The following RBFOX1 variants were observed in gnomAD, a reference collection of about 807,000 sequenced individuals.
RBFOX1 encodes RNA binding protein fox-1 homolog 1.
In RBFOX1, 8 loss-of-function variants were observed where a neutral mutation model predicts 57.7. That is an observed-to-expected ratio of 0.14 (90% CI 0.08 to 0.25). The LOEUF (loss-of-function observed/expected upper bound fraction) is 0.25. RBFOX1 is among the 10% of genes least tolerant of loss of function. The probability of loss-of-function intolerance (pLI) is 1.00; values close to 1 mark genes in which losing one functional copy is unlikely to be tolerated. For missense variants in RBFOX1, 611 were observed against 548.5 expected, an observed-to-expected ratio of 1.11 and a Z score of -1.14; for synonymous variants, 326 against 222.4, an observed-to-expected ratio of 1.47 and a Z score of -4.15.
At chr16:6,820,615 C>T (rs1488943663) in intron 3 of RBFOX1, among the ~76,000 whole-genome samples, 1 of 151,992 alleles carries the variant, frequency 6.6e-6, no homozygotes, top group Non-Finnish European at 1.5e-5. Flanking sequence ...GCCATGATCA[C>T]ACTACTACAG....
chr16:7,631,336 A>G (rs1037296840), intron 11 of RBFOX1, among the ~76,000 whole-genome samples: 2 of 152,228 alleles, frequency 1.3e-5, no homozygotes, highest in African/African-American at 4.8e-5. Context: ...AAATAAATAC[A>G]GGAAGTAGAT....
intron 4 of RBFOX1, among the ~76,000 whole-genome samples, chr16:5,945,331 G>T (rs142150869): frequency 6.6e-6 from 1 of 152,204 alleles, no homozygotes; most frequent in African/African-American, 2.4e-5. Context: ...GGAACAAGGG[G>T]TGAGTTACAA....
intron 4 of RBFOX1, among the ~76,000 whole-genome samples, chr16:7,163,736 A>C (rs1005888332): frequency 1.3e-5 from 2 of 152,072 alleles, no homozygotes; most frequent in African/African-American, 2.4e-5. Context: ...ATCTCACTGC[A>C]ACCTCTGCCT....
At chr16:7,541,823 T>C (rs949959085) in intron 5 of RBFOX1, among the ~76,000 whole-genome samples, 1 of 152,160 alleles carries the variant, frequency 6.6e-6, no homozygotes, top group Non-Finnish European at 1.5e-5. Flanking sequence ...ATGGGTGTCA[T>C]GAGGATGAAG....
chr16:7,069,716 A>G (rs571650501), intron 4 of RBFOX1, among the ~76,000 whole-genome samples: 77 of 152,248 alleles, frequency 5.1e-4, no homozygotes, highest in African/African-American at 1.7e-3. Flanking sequence ...GTGGGGCAGC[A>G]TCGAGGTGTG....
chr16:6,274,707 C>T (rs1208579451), intron 1 of RBFOX1, among the ~76,000 whole-genome samples: 1 of 152,150 alleles, frequency 6.6e-6, no homozygotes, highest in Non-Finnish European at 1.5e-5. Context: ...TACACAGGAT[C>T]TCTGTAACAT....
intron 2 of RBFOX1, among the ~76,000 whole-genome samples, chr16:6,549,662 T>A (rs763693514): frequency 1.3e-5 from 2 of 152,028 alleles, no homozygotes; most frequent in Non-Finnish European, 2.9e-5. Context: ...TGCCTACTTC[T>A]GAGCAAATCC....
chr16:5,268,287 T>C lies in RBFOX1; in HGVS notation c.219+28182T>C, dbSNP rs1408171731. Among the ~76,000 whole-genome samples the C allele has an allele frequency of 2.0e-5, 3 of 152,200 alleles. No individual in the cohort carries two copies. The East Asian group carries it at 5.8e-4, about 29-fold the overall frequency. On this transcript the variant is annotated intron_variant, in intron 1 of 2. Coordinates refer to the RBFOX1 transcript ENST00000585867. Reference sequence around the variant, plus strand: ...CAATTTGTGTTAATTCTGCAAAATTTGCCGTATAACTGTGCCTGGATTCTT... The same window carrying C: ...CAATTTGTGTTAATTCTGCAAAATTCGCCGTATAACTGTGCCTGGATTCTT...
intron 3 of RBFOX1, among the ~76,000 whole-genome samples, chr16:6,734,441 T>C (rs982818240): frequency 2.6e-5 from 4 of 152,226 alleles, no homozygotes; most frequent in African/African-American, 9.6e-5. Context: ...ATTATCTCAT[T>C]TAATCCTCAT....
At chr16:7,400,559 C>T (rs1187503507) in intron 4 of RBFOX1, among the ~76,000 whole-genome samples, 1 of 152,150 alleles carries the variant, frequency 6.6e-6, no homozygotes, top group East Asian at 1.9e-4. Context: ...TCTTCAAGAA[C>T]ACAGTTTGTA....
intron 2 of RBFOX1, among the ~76,000 whole-genome samples, chr16:6,366,752 A>G (rs10445040): frequency 0.51 from 77,846 of 152,058 alleles, 20,628 homozygotes; most frequent in Middle Eastern, 0.64. Context: ...GTAAGCTGAA[A>G]TGACATGCTC....
chr16:6,810,976 C>T (rs1015012606), intron 3 of RBFOX1, among the ~76,000 whole-genome samples: 2 of 152,154 alleles, frequency 1.3e-5, no homozygotes, highest in African/African-American at 4.8e-5. Flanking sequence ...TCACTAAATG[C>T]TATTCCAGAA....
chr16:6,956,075 T>G (rs565695671), intron 3 of RBFOX1, among the ~76,000 whole-genome samples: 4 of 152,160 alleles, frequency 2.6e-5, no homozygotes, highest in Non-Finnish European at 1.5e-5. Flanking sequence ...TTTAGTGAGT[T>G]ACCTTCCCTT....
At chr16:7,657,366 ACG>A (rs1205788277) in intron 12 of RBFOX1, among the ~76,000 whole-genome samples, 1 of 152,164 alleles carries the variant, frequency 6.6e-6, no homozygotes, top group Non-Finnish European at 1.5e-5. Context: ...GTGCAATGGC[ACG>A]ATCTCGACTC....
intron 2 of RBFOX1, among the ~76,000 whole-genome samples, chr16:6,476,809 G>T (rs201295893): frequency 2.6e-5 from 4 of 152,132 alleles, no homozygotes; most frequent in African/African-American, 7.2e-5. Flanking sequence ...TTTACCTAAC[G>T]TAGAACTTCT....
At chr16:7,488,341 A>G (rs924945933) in intron 4 of RBFOX1, among the ~76,000 whole-genome samples, 17 of 152,262 alleles carry the variant, frequency 1.1e-4, no homozygotes, top group Admixed American at 9.8e-4. Flanking sequence ...TTATAGCTAG[A>G]TAGTTGGATA....
Position 7,501,706 on chromosome 16 carries a change from A to G in RBFOX1, c.28-16441A>G, listed in dbSNP as rs146059358. ...TCTACATATTGTTTTGTCAGTCTGTATCCTACCACCTGGCTGCTTCCTGCT... is the reference window on the plus strand; with the variant it reads ...TCTACATATTGTTTTGTCAGTCTGTGTCCTACCACCTGGCTGCTTCCTGCT... On this transcript the variant is annotated intron_variant, in intron 4 of 15. Transcript: ENST00000550418. Among the ~76,000 whole-genome samples the G allele has an allele frequency of 1.9e-3, 294 of 152,324 alleles. 4 individuals are homozygous for G. Among genetic ancestry groups the G allele is most frequent in the African/African-American group, 6.4e-3 (265 of 41,562 alleles).
In RBFOX1 at chr16:7,006,246, C is replaced by T. The variant is rs115187847; in HGVS notation, c.-15-45811C>T. On this transcript the variant is annotated intron_variant, in intron 3 of 15. Transcript: ENST00000550418. Reference sequence around the variant, plus strand: ...CTCGGTTCACTGCATCCTCTGCCTCCGAGGTCCAAGCGATTCTCCTGTCTC... The same window carrying T: ...CTCGGTTCACTGCATCCTCTGCCTCTGAGGTCCAAGCGATTCTCCTGTCTC... Among the ~76,000 whole-genome samples, 849 of 152,180 alleles carry T rather than the reference C, an allele frequency of 5.6e-3. 11 individuals carry two copies. The highest frequency in any genetic ancestry group is 0.019 in the African/African-American group (797 of 41,516).
chr16:6,053,120 G>A (rs1025069798), intron 1 of RBFOX1, among the ~76,000 whole-genome samples: 14 of 152,258 alleles, frequency 9.2e-5, no homozygotes, highest in Admixed American at 9.2e-4. Flanking sequence ...ACTTGGGGCT[G>A]AGCGGTACCT....
Sources: allele counts gnomAD v4.1 joint callset (sites outside exome capture counted in the v4.1 genomes callset), GRCh38; gene constraint gnomAD v4.1.1; transcripts MANE v1.5; gene names NCBI Gene and HGNC (gene_info 2026-07-23, HGNC 2026-07-21).